The following PDE11A variants were observed in gnomAD, a reference collection of about 807,000 sequenced individuals.
The protein encoded by PDE11A is dual 3',5'-cyclic-AMP and -GMP phosphodiesterase 11A.
A neutral mutation model predicts 100.5 loss-of-function variants in PDE11A; 100 were observed. The ratio of observed to expected loss-of-function variants is 1.00; its 90% CI spans 0.85 to 1.18. PDE11A has a LOEUF of 1.18. Ranked by LOEUF, PDE11A falls within the 50% of genes most tolerant of loss-of-function variation. The probability of loss-of-function intolerance (pLI) is 0.00; values close to 1 mark genes in which losing one functional copy is unlikely to be tolerated. For synonymous variants in PDE11A, 381 were observed against 420.8 expected, an observed-to-expected ratio of 0.91 and a Z score of 1.16; for missense variants, 1,141 against 1,152.6, an observed-to-expected ratio of 0.99 and a Z score of 0.15.
intron 5 of PDE11A, among the ~76,000 whole-genome samples, chr2:177,850,864 A>T (rs1428430642): frequency 6.6e-6 from 1 of 152,164 alleles, no homozygotes; most frequent in Non-Finnish European, 1.5e-5. Context: ...TAGAATGGCA[A>T]TCATTAAAAA....
intron 1 of PDE11A, among the ~76,000 whole-genome samples, chr2:178,051,968 A>G (rs528876418): frequency 6.6e-6 from 1 of 152,304 alleles, no homozygotes; most frequent in East Asian, 1.9e-4. Context: ...ACAGAAAGTT[A>G]ACAAGGATAC....
At chr2:177,816,299 C>A (rs566029233) in intron 9 of PDE11A, among the ~76,000 whole-genome samples, 80 of 152,240 alleles carry the variant, frequency 5.3e-4, no homozygotes, top group African/African-American at 1.8e-3. Flanking sequence ...GAGATTAGAA[C>A]TGCTCTTTTG....
At chr2:177,964,775 T>C (rs1308319696) in intron 2 of PDE11A, among the ~76,000 whole-genome samples, 5 of 152,178 alleles carry the variant, frequency 3.3e-5, no homozygotes, top group African/African-American at 9.7e-5. Context: ...CCATCACTGA[T>C]GGACATTTAA....
intron 2 of PDE11A, among the ~76,000 whole-genome samples, chr2:177,914,619 C>G (rs901937658): frequency 4.6e-5 from 7 of 152,060 alleles, no homozygotes; most frequent in African/African-American, 1.7e-4. Context: ...CCCCACTTAC[C>G]CAGCACAGGT....
intron 2 of PDE11A, among the ~76,000 whole-genome samples, chr2:177,957,301 T>G (rs1016257014): frequency 6.6e-6 from 1 of 152,218 alleles, no homozygotes; most frequent in Non-Finnish European, 1.5e-5. Context: ...TAATTCTTTA[T>G]TTTCAATGGT....
At chr2:177,963,376 T>C (rs966769785) in intron 2 of PDE11A, among the ~76,000 whole-genome samples, 1 of 151,900 alleles carries the variant, frequency 6.6e-6, no homozygotes, top group Non-Finnish European at 1.5e-5. Flanking sequence ...TATGATATGG[T>C]GACCTACACT....
At chr2:178,105,580 A>G (rs1574401322) in intron 1 of PDE11A, 2 of 350,816 alleles carry the variant, frequency 5.7e-6, no homozygotes, top group East Asian at 8.9e-5. Context: ...TGCCTCCTCC[A>G]TCTAAAATGA....
At chr2:177,674,269 G>T (rs2080732478) in intron 17 of PDE11A, among the ~76,000 whole-genome samples, 1 of 152,182 alleles carries the variant, frequency 6.6e-6, no homozygotes, top group African/African-American at 2.4e-5. Flanking sequence ...TCCTAAGGCT[G>T]CTGTAAATTA....
At chr2:177,735,639 C>G (rs1382698370) in intron 10 of PDE11A, among the ~76,000 whole-genome samples, 1 of 152,094 alleles carries the variant, frequency 6.6e-6, no homozygotes, top group Non-Finnish European at 1.5e-5. Flanking sequence ...CCATTGTTAA[C>G]AAAAAAACAG....
At chr2:177,953,551 A>G (rs183153842) in intron 2 of PDE11A, among the ~76,000 whole-genome samples, 1 of 152,316 alleles carries the variant, frequency 6.6e-6, no homozygotes, top group East Asian at 1.9e-4. Flanking sequence ...TGACTAAAGC[A>G]TAGATACTAG....
chr2:177,815,376 C>T (rs1276494041), intron 9 of PDE11A, among the ~76,000 whole-genome samples: 5 of 152,262 alleles, frequency 3.3e-5, no homozygotes, highest in South Asian at 2.1e-4. Flanking sequence ...TGCACACAGA[C>T]CTTAATGCTA....
At chr2:178,071,446 C>A in intron 1 of PDE11A, 80 bp downstream of exon 1, 1 of 1,588,842 alleles carries the variant, frequency 6.3e-7, no homozygotes, top group South Asian at 1.1e-5. Flanking sequence ...TTAATGTGTT[C>A]CTGGATGCCA....
intron 10 of PDE11A, among the ~76,000 whole-genome samples, chr2:177,748,717 G>C (rs544036337): frequency 6.6e-6 from 1 of 152,106 alleles, no homozygotes; most frequent in South Asian, 2.1e-4. Flanking sequence ...GTTTTTACTA[G>C]TAAATCCTGA....
chr2:177,697,606 A>C (rs143834870), intron 14 of PDE11A, among the ~76,000 whole-genome samples, 174 bp from the exon 15 acceptor site: 32 of 152,348 alleles, frequency 2.1e-4, no homozygotes, highest in African/African-American at 7.5e-4. Flanking sequence ...GCAAAGCCAG[A>C]ATGCAGTCAT....
intron 1 of PDE11A, among the ~76,000 whole-genome samples, chr2:178,025,236 G>A (rs1056934811): frequency 7.9e-5 from 12 of 152,198 alleles, no homozygotes; most frequent in African/African-American, 2.2e-4. Context: ...AAGTGGTGTA[G>A]TTGGAATTGG....
At chr2:178,089,696 C>A (rs1039602680) in intron 2 of PDE11A, among the ~76,000 whole-genome samples, 1 of 152,176 alleles carries the variant, frequency 6.6e-6, no homozygotes, top group Non-Finnish European at 1.5e-5. Flanking sequence ...TCTGGTCAAA[C>A]GATCTTTGTT....
intron 2 of PDE11A, among the ~76,000 whole-genome samples, chr2:178,099,562 C>T (rs2087536714): frequency 6.6e-6 from 1 of 151,780 alleles, no homozygotes; most frequent in African/African-American, 2.4e-5. Context: ...GCACTTCAAA[C>T]CCATTAGGAT....
intron 3 of PDE11A, among the ~76,000 whole-genome samples, chr2:177,900,600 A>G (rs1473389247): frequency 2.0e-5 from 3 of 152,166 alleles, no homozygotes; most frequent in Non-Finnish European, 4.4e-5. Context: ...TACTAAAAAT[A>G]CAAAAAAATT....
intron 15 of PDE11A, among the ~76,000 whole-genome samples, chr2:177,696,657 AAAAG>A (rs55937800): frequency 0.68 from 103,728 of 151,592 alleles, 38,682 homozygotes; most frequent in East Asian, 0.82. Context: ...GGTAGACAGT[AAAAG>A]AAAGGTAAAT....
Sources: gnomAD v4.1 joint callset for allele counts (sites outside exome capture counted in the v4.1 genomes callset) on GRCh38, gnomAD v4.1.1 for gene constraint, MANE v1.5 for transcripts, NCBI Gene and HGNC (gene_info 2026-07-23, HGNC 2026-07-21) for gene names.